The following GPC6 variants were observed in gnomAD, a reference collection of about 807,000 sequenced individuals.
The protein encoded by GPC6 is glypican 6.
In GPC6, 14 loss-of-function variants were observed where a neutral mutation model predicts 55.2. The ratio of observed to expected loss-of-function variants is 0.25; its 90% CI spans 0.17 to 0.40. The LOEUF is 0.40. Ranked by LOEUF, GPC6 falls within the 10% of genes least tolerant of loss-of-function variation. The pLI is 1.00. For synonymous variants in GPC6, 278 were observed against 259.6 expected (o/e 1.07, Z -0.68); for missense variants, 641 against 708.5 (o/e 0.90, Z 1.08).
the GPC6 span, among the ~76,000 whole-genome samples, chr13:93,218,155 C>A: frequency 1.3e-4 from 19 of 150,592 alleles, no homozygotes; most frequent in African/African-American, 4.4e-4. Context: ...AAAATATGCA[C>A]CAGATTTGCT....
chr13:93,545,664 T>C (rs1190853665), intron 2 of GPC6, among the ~76,000 whole-genome samples: 1 of 152,150 alleles, frequency 6.6e-6, no homozygotes, highest in African/African-American at 2.4e-5. Flanking sequence ...GCCTGTGAGA[T>C]TTATTGTAAA....
intron 2 of GPC6, among the ~76,000 whole-genome samples, chr13:93,751,042 C>G (rs1252367449): frequency 6.6e-6 from 1 of 152,102 alleles, no homozygotes; most frequent in Non-Finnish European, 1.5e-5. Context: ...CTCTGTATGC[C>G]TCCAAACTCC....
At chr13:94,233,851 T>G (rs1202548984) in intron 4 of GPC6, among the ~76,000 whole-genome samples, 1 of 152,204 alleles carries the variant, frequency 6.6e-6, no homozygotes, top group Non-Finnish European at 1.5e-5. Flanking sequence ...TAGTTATATA[T>G]GTACAGAAAA....
chr13:93,724,768 T>A (rs1883573062), intron 2 of GPC6, among the ~76,000 whole-genome samples: 2 of 152,070 alleles, frequency 1.3e-5, no homozygotes. Context: ...AAATTGTGCA[T>A]CCTTGGCATA....
intron 2 of GPC6, among the ~76,000 whole-genome samples, chr13:93,693,107 T>A (rs921966996): frequency 3.9e-5 from 6 of 152,128 alleles, no homozygotes; most frequent in Admixed American, 6.5e-5. Flanking sequence ...TCTGCTAGAT[T>A]GTTAGCATCT....
intron 3 of GPC6, among the ~76,000 whole-genome samples, chr13:93,942,271 G>A (rs1020364241): frequency 6.6e-6 from 1 of 152,198 alleles, no homozygotes; most frequent in Non-Finnish European, 1.5e-5. Context: ...TGAGTCAGGA[G>A]TCTGGGTAAA....
At chr13:93,848,873 T>C (rs1446029706) in intron 3 of GPC6, among the ~76,000 whole-genome samples, 1 of 152,114 alleles carries the variant, frequency 6.6e-6, no homozygotes, top group Non-Finnish European at 1.5e-5. Flanking sequence ...CCCCTTTCTT[T>C]CAAACCCAGC....
chr13:93,614,078 A>T (rs184439235), intron 2 of GPC6, among the ~76,000 whole-genome samples: 1 of 152,172 alleles, frequency 6.6e-6, no homozygotes, highest in Non-Finnish European at 1.5e-5. Flanking sequence ...TTCAAGGAGG[A>T]ATAGACTTTA....
intron 1 of GPC6, among the ~76,000 whole-genome samples, chr13:93,452,107 T>C (rs1050469723): frequency 2.6e-5 from 4 of 152,234 alleles, no homozygotes; most frequent in Non-Finnish European, 5.9e-5. Context: ...GAGGTGATGC[T>C]ATGTGCTACA....
At chr13:94,082,653 A>G (rs1461075943) in intron 4 of GPC6, among the ~76,000 whole-genome samples, 3 of 152,092 alleles carry the variant, frequency 2.0e-5, no homozygotes, top group Non-Finnish European at 4.4e-5. Flanking sequence ...CTTCTGCCCT[A>G]CTACATGCCT....
At chr13:93,652,211 A>T (rs1880449852) in intron 2 of GPC6, among the ~76,000 whole-genome samples, 1 of 152,188 alleles carries the variant, frequency 6.6e-6, no homozygotes, top group East Asian at 1.9e-4. Context: ...TATATTTTCC[A>T]GTCTTGGATC....
chr13:93,713,364 G>C (rs145676114), intron 2 of GPC6, among the ~76,000 whole-genome samples: 4 of 151,512 alleles, frequency 2.6e-5, no homozygotes, highest in Middle Eastern at 3.4e-3. Context: ...AGCAAGATCT[G>C]GTTCTTTTAA....
rs535207644 is a variant in GPC6 at position 93,375,613 on chromosome 13, G to A, written c.160+147997G>A. On this transcript the variant is annotated intron_variant, in intron 1 of 8. Transcript: ENST00000377047. ...GAGTCTTCTCATTTTCACTCCTCCC[G>A]ATGGTAGCAACTTCAGAGGGCCCTT... is the stretch of plus-strand genomic sequence containing the variant. 8.5e-5 allele frequency among the ~76,000 whole-genome samples: 13 copies of A among 152,270 alleles called. No homozygotes were observed. The South Asian group carries it at 1.5e-3, about 17-fold the overall frequency.
At chr13:93,980,005 G>A (rs1880721249) in intron 3 of GPC6, among the ~76,000 whole-genome samples, 1 of 152,122 alleles carries the variant, frequency 6.6e-6, no homozygotes, top group African/African-American at 2.4e-5. Flanking sequence ...AGAGCTTGAA[G>A]AACTTTCCTT....
intron 3 of GPC6, among the ~76,000 whole-genome samples, chr13:94,011,297 G>A (rs1181539816): frequency 6.6e-6 from 1 of 152,044 alleles, no homozygotes; most frequent in Non-Finnish European, 1.5e-5. Context: ...AATAAAACTG[G>A]TGTCATCCTT....
intron 1 of GPC6, among the ~76,000 whole-genome samples, chr13:93,508,818 C>G (rs1017708428): frequency 3.3e-5 from 5 of 152,068 alleles, no homozygotes; most frequent in African/African-American, 1.2e-4. Flanking sequence ...GGGGAGAAAG[C>G]TGAGCTAAGA....
At chr13:93,288,496 A>G (rs1878209907) in intron 1 of GPC6, among the ~76,000 whole-genome samples, 1 of 152,106 alleles carries the variant, frequency 6.6e-6, no homozygotes, top group South Asian at 2.1e-4. Flanking sequence ...ATTCTAATCT[A>G]AGGGTCCTTT....
chr13:94,250,033 A>T (rs1891303377), intron 4 of GPC6, among the ~76,000 whole-genome samples: 2 of 152,290 alleles, frequency 1.3e-5, no homozygotes, highest in East Asian at 3.9e-4. Flanking sequence ...TTTTATGATG[A>T]GAAGCAACAT....
chr13:94,174,627 G>A (rs1367614310), intron 4 of GPC6, among the ~76,000 whole-genome samples: 1 of 152,104 alleles, frequency 6.6e-6, no homozygotes, highest in Non-Finnish European at 1.5e-5. Flanking sequence ...TTCTTTTGTA[G>A]ATGACATGCT....
Sources: allele counts gnomAD v4.1 joint callset (sites outside exome capture counted in the v4.1 genomes callset), GRCh38; gene constraint gnomAD v4.1.1; transcripts MANE v1.5; gene names NCBI Gene and HGNC (gene_info 2026-07-23, HGNC 2026-07-21).